NDFIP2: variants seen among roughly 807,000 people sequenced by gnomAD.
The protein encoded by NDFIP2 is NEDD4 family-interacting protein 2.
In NDFIP2, 19 loss-of-function variants were observed where a neutral mutation model predicts 36.0. That is an observed-to-expected ratio of 0.53 (90% CI 0.37 to 0.77). The LOEUF is 0.77. NDFIP2 is among the 30% of genes least tolerant of loss of function. The pLI, the probability that NDFIP2 is intolerant of heterozygous loss-of-function variation, is 0.00. For missense variants in NDFIP2, 446 were observed against 435.8 expected (o/e 1.02, Z -0.21); for synonymous variants, 181 against 167.7 (o/e 1.08, Z -0.61).
intron 1 of NDFIP2, among the ~76,000 whole-genome samples, chr13:79,482,451 C>G (rs9565508): frequency 0.075 from 11,416 of 152,084 alleles, 682 homozygotes; most frequent in East Asian, 0.17. Flanking sequence ...GTTGACTCTG[C>G]TGTTGTGCTG....
At chr13:79,518,032 A>AC (rs11409451) in intron 1 of NDFIP2, among the ~76,000 whole-genome samples, 105,934 of 152,020 alleles carry the variant, frequency 0.7, 38,529 homozygotes, top group African/African-American at 0.91. Context: ...CATCTGTATT[A>AC]ACTTTTATTG....
At position 79,533,429 on chromosome 13, in the gene NDFIP2, A is replaced by T; in HGVS notation, c.594A>T (p.Ala198=). ...EAEKAKAAAM[A]AAAAETSQRI... is the part of the protein sequence containing the mutation. ...AGAAGGCTAAAGCTGCTGCAATGGC[A>T]GCTGCAGCAGCAGAAACATCTCAAA... The change falls in exon 3 of 8, where the codon GCA becomes GCT. Residue 198 remains alanine (A), a synonymous_variant. Transcript: ENST00000218652. 6.2e-7 allele frequency: 1 copy of T among 1,603,890 alleles called. No homozygotes were observed. The highest frequency in any genetic ancestry group is 8.5e-7 in the Non-Finnish European group (1 of 1,176,658).
At chr13:79,526,203 G>T (rs1490891309) in intron 2 of NDFIP2, among the ~76,000 whole-genome samples, 1 of 152,120 alleles carries the variant, frequency 6.6e-6, no homozygotes, top group Non-Finnish European at 1.5e-5. Flanking sequence ...AAGGGGTTAA[G>T]AATGATGCCC....
At chr13:79,543,503 T>A in intron 4 of NDFIP2, 55 bp from the exon 5 acceptor site, 2 of 1,596,564 alleles carry the variant, frequency 1.3e-6, no homozygotes, top group Non-Finnish European at 1.7e-6. Context: ...AATATGTCTA[T>A]GTTAATTTGT....
intron 1 of NDFIP2, among the ~76,000 whole-genome samples, chr13:79,499,128 A>G (rs552662684): frequency 6.6e-6 from 1 of 151,974 alleles, no homozygotes; most frequent in Admixed American, 6.6e-5. Context: ...AATCCATTAC[A>G]TCAGTGGCTA....
chr13:79,481,540 C>G lies in NDFIP2; in HGVS notation c.321+16C>G. 1 of 1,540,950 alleles carries G rather than the reference C, an allele frequency of 6.5e-7. No homozygotes were observed. Among genetic ancestry groups the G allele is most frequent in the African/African-American group, 1.4e-5 (1 of 72,054 alleles). On this transcript the variant is annotated intron_variant, in intron 1 of 7. Coordinates refer to ENST00000218652, the MANE Select transcript of NDFIP2 (RefSeq NM_019080.3). ...CTACCAGGTGGTGAGTTCCCGGCCTCCTGTGCCTCCCGGGACTGCCTCCCG... is the reference window on the plus strand; with the variant it reads ...CTACCAGGTGGTGAGTTCCCGGCCTGCTGTGCCTCCCGGGACTGCCTCCCG...
chr13:79,544,117 A>G (rs1460990633), intron 5 of NDFIP2, among the ~76,000 whole-genome samples: 1 of 152,190 alleles, frequency 6.6e-6, no homozygotes, highest in Non-Finnish European at 1.5e-5. Flanking sequence ...TAGTGCAGGT[A>G]TGCCTAAATT....
intron 4 of NDFIP2, among the ~76,000 whole-genome samples, chr13:79,541,551 T>C (rs1391974464): frequency 6.6e-6 from 1 of 152,000 alleles, no homozygotes. Flanking sequence ...TACCTGTATT[T>C]CCTGATTTTT....
At chr13:79,488,270 A>G (rs1482475034) in intron 1 of NDFIP2, among the ~76,000 whole-genome samples, 3 of 152,172 alleles carry the variant, frequency 2.0e-5, no homozygotes, top group Admixed American at 6.5e-5. Flanking sequence ...TATTATGTCA[A>G]TTTGGGTTGC....
intron 5 of NDFIP2, among the ~76,000 whole-genome samples, chr13:79,543,935 A>G (rs972831531): frequency 5.3e-5 from 8 of 150,756 alleles, no homozygotes; most frequent in Admixed American, 2.0e-4. Flanking sequence ...CATCTTTTTT[A>G]TATGTCTTAA....
At chr13:79,538,395 TGAGACAAGGCAA>T (rs1875326902) in intron 3 of NDFIP2, among the ~76,000 whole-genome samples, 2 of 152,178 alleles carry the variant, frequency 1.3e-5, no homozygotes, top group African/African-American at 4.8e-5. Context: ...AAGCCTCATC[TGAGACAAGGCAA>T]GTCCCTTCCA....
rs1308829623 is a variant in NDFIP2, at chr13:79,530,028, A to G, written c.488-3295A>G. ...TAAAACTTTACTGCTAAAAGATACT[A>G]ATGATCATCAGAGCTTCAGTGAGTC... On this transcript the variant is annotated intron_variant, in intron 2 of 7. Coordinates refer to ENST00000218652, the MANE Select transcript of NDFIP2 (RefSeq NM_019080.3). Among the ~76,000 whole-genome samples the G allele has an allele frequency of 2.0e-5, 3 of 152,220 alleles. No individual in the cohort carries two copies. The East Asian group carries it at 5.8e-4, about 29-fold the overall frequency.
At position 79,481,232 on chromosome 13, in the gene NDFIP2, G is replaced by C; in HGVS notation, c.29G>C (p.Cys10Ser). ...GCACGCCGGCGGAGCCAGCGAGTCT[G>C]CGCGAGCGGTCCGAGCATGCTCAAT... MARRRSQRV[C>S]ASGPSMLNSA... Residue 10 changes from cysteine (C) to serine (S), a missense_variant, in exon 1 of 8, where the codon TGC becomes TCC. Transcript: ENST00000218652. The C allele has an allele frequency of 6.6e-7, 1 of 1,522,854 alleles. No homozygotes were observed. The highest frequency in any genetic ancestry group is 8.8e-7 in the Non-Finnish European group (1 of 1,140,738). 94.3% of individuals were successfully genotyped at this position (1,522,854 alleles called of 1,614,324 possible).
intron 1 of NDFIP2, among the ~76,000 whole-genome samples, chr13:79,498,644 G>C (rs1873539570): frequency 1.3e-5 from 2 of 151,914 alleles, no homozygotes; most frequent in African/African-American, 4.8e-5. Context: ...GATTATGAGA[G>C]AGAAAGAAGA....
At chr13:79,507,832 T>C (rs1008016138) in intron 1 of NDFIP2, among the ~76,000 whole-genome samples, 3 of 149,110 alleles carry the variant, frequency 2.0e-5, no homozygotes, top group Non-Finnish European at 1.5e-5. Flanking sequence ...ATCTTGAACT[T>C]TTTTTTTTTT....
At chr13:79,528,470 A>T (rs1032185304) in intron 2 of NDFIP2, among the ~76,000 whole-genome samples, 1 of 152,184 alleles carries the variant, frequency 6.6e-6, no homozygotes, top group Non-Finnish European at 1.5e-5. Flanking sequence ...AAATAAATCT[A>T]GGGTAGCCTA....
Position 79,546,904 on chromosome 13 carries a change from A to C in NDFIP2, c.841-1424A>C, listed in dbSNP as rs550958477. Among the ~76,000 whole-genome samples, 6 of 152,274 alleles carry C rather than the reference A, an allele frequency of 3.9e-5. No individual in the cohort carries two copies. In the East Asian group the frequency reaches 1.2e-3, roughly 29 times the overall value. On this transcript the variant is annotated intron_variant, in intron 5 of 7. Coordinates refer to ENST00000218652, the MANE Select transcript of NDFIP2 (RefSeq NM_019080.3). ...GTTAATCACTTGACTAAAAAATAGT[A>C]TAGTACCATCCTGTATAAGCTGTAT...
chr13:79,486,886 T>C (rs1873013409), intron 1 of NDFIP2, among the ~76,000 whole-genome samples: 1 of 152,188 alleles, frequency 6.6e-6, no homozygotes, highest in Non-Finnish European at 1.5e-5. Context: ...CTAGGAGCAA[T>C]AGGCTAGACC....
intron 1 of NDFIP2, among the ~76,000 whole-genome samples, chr13:79,497,793 G>GTGTGTGTGTGTGTGTGT (rs1566655451): frequency 3.2e-5 from 3 of 92,866 alleles, no homozygotes; most frequent in Non-Finnish European, 4.8e-5. Context: ...TTATCTGTGG[G>GTGTGTGTGTGTGTGTGT]GGGTGTGTGT....
Sources: allele counts gnomAD v4.1 joint callset (sites outside exome capture counted in the v4.1 genomes callset), GRCh38; gene constraint gnomAD v4.1.1; transcripts MANE v1.5; gene names NCBI Gene and HGNC (gene_info 2026-07-23, HGNC 2026-07-21).